The following HSD17B12 variants were observed in gnomAD, a reference collection of about 807,000 sequenced individuals.
HSD17B12 encodes very-long-chain 3-oxoacyl-CoA reductase.
HSD17B12 carries 32 observed loss-of-function variants against 39.3 expected under a neutral mutation model. The ratio of observed to expected loss-of-function variants is 0.81; its 90% confidence interval spans 0.61 to 1.09. HSD17B12 has a LOEUF of 1.09. Ranked by LOEUF, HSD17B12 falls within the 50% of genes least tolerant of loss-of-function variation. HSD17B12 has a pLI of 0.00. For missense variants in HSD17B12, 342 were observed against 382.9 expected (o/e 0.89, Z 0.89); for synonymous variants, 150 against 146.7 (o/e 1.02, Z -0.16).
At chr11:43,809,759 AG>A (rs1205032185) in intron 4 of HSD17B12, among the ~76,000 whole-genome samples, 3 of 152,212 alleles carry the variant, frequency 2.0e-5, no homozygotes, top group Non-Finnish European at 4.4e-5. Flanking sequence ...GACGGATTGC[AG>A]TGAGCTGAGA....
chr11:43,800,928 C>A (rs1257612589), intron 4 of HSD17B12, among the ~76,000 whole-genome samples: 1 of 152,112 alleles, frequency 6.6e-6, no homozygotes, highest in African/African-American at 2.4e-5. Flanking sequence ...CACCTGAGGT[C>A]AGGAGTTTGA....
At chr11:43,682,658 GT>G (rs1462108170) in intron 1 of HSD17B12, among the ~76,000 whole-genome samples, 2 of 151,636 alleles carry the variant, frequency 1.3e-5, no homozygotes, top group African/African-American at 4.8e-5. Context: ...TGGAAAACCT[GT>G]TTGAAGACTT....
chr11:43,642,543 A>G, the HSD17B12 span, among the ~76,000 whole-genome samples: 4 of 151,888 alleles, frequency 2.6e-5, no homozygotes, highest in South Asian at 8.3e-4. Flanking sequence ...GATCAGTTTC[A>G]TTTCTGACTT....
chr11:43,850,071 A>T (rs532551636), intron 9 of HSD17B12, among the ~76,000 whole-genome samples: 18 of 152,282 alleles, frequency 1.2e-4, no homozygotes, highest in Admixed American at 6.5e-5. Flanking sequence ...GCTAAGATTT[A>T]TATGTATTGT....
chr11:43,846,391 C>G (rs1379244114), intron 9 of HSD17B12, among the ~76,000 whole-genome samples: 2 of 152,200 alleles, frequency 1.3e-5, no homozygotes, highest in African/African-American at 4.8e-5. Context: ...GTGCTGGGCA[C>G]GGTGGCTCAC....
chr11:43,657,657 A>T, the HSD17B12 span, among the ~76,000 whole-genome samples: 1 of 152,110 alleles, frequency 6.6e-6, no homozygotes, highest in African/African-American at 2.4e-5. Context: ...TCCTTCACTT[A>T]TGAAGCTTAG....
At chr11:43,679,045 T>C (rs1407418011), upstream of HSD17B12, among the ~76,000 whole-genome samples, 1 of 152,206 alleles carries the variant, frequency 6.6e-6, no homozygotes, top group Admixed American at 6.5e-5. Flanking sequence ...ATTTTCACGA[T>C]ATTGATTCTT....
intron 6 of HSD17B12, among the ~76,000 whole-genome samples, chr11:43,820,663 G>C (rs562363996): frequency 2.0e-5 from 3 of 152,222 alleles, no homozygotes; most frequent in Admixed American, 1.3e-4. Flanking sequence ...ATAAGGAAGA[G>C]AGCAACCTCT....
chr11:43,702,204 A>T (rs1266797699), intron 1 of HSD17B12, among the ~76,000 whole-genome samples: 1 of 152,176 alleles, frequency 6.6e-6, no homozygotes, highest in Non-Finnish European at 1.5e-5. Context: ...TTTGTCTATC[A>T]GTTCTAATAT....
the HSD17B12 span, among the ~76,000 whole-genome samples, chr11:43,631,875 C>T: frequency 6.6e-6 from 1 of 152,094 alleles, no homozygotes; most frequent in South Asian, 2.1e-4. Context: ...GGCTACGGAC[C>T]AGGTACCCTC....
At chr11:43,755,243 G>T (rs554961852) in intron 3 of HSD17B12, 9 of 178,214 alleles carry the variant, frequency 5.1e-5, no homozygotes, top group African/African-American at 2.1e-4. Context: ...TGAAAAATTG[G>T]CCGTCAAATT....
chr11:43,762,347 T>G lies in HSD17B12; in HGVS notation c.283+8226T>G, dbSNP rs191204511. On this transcript the variant is annotated intron_variant, in intron 3 of 10. Transcript: ENST00000278353. ...TTTCCTGGTACAATTTGTCAGATTG[T>G]CTGCTTTTGTGGCAATGTTGGGTTA... 2.3e-3 allele frequency among the ~76,000 whole-genome samples: 353 copies of G among 151,342 alleles called. 1 individual carries two copies. Among genetic ancestry groups the G allele is most frequent in the African/African-American group, 8.1e-3 (337 of 41,492 alleles).
chr11:43,835,893 C>G (rs777687163), intron 7 of HSD17B12, among the ~76,000 whole-genome samples: 12 of 152,108 alleles, frequency 7.9e-5, no homozygotes, highest in Admixed American at 2.0e-4. Flanking sequence ...GATAATTGAT[C>G]TGTATTGTAT....
chr11:43,811,581 C>CT (rs34493946), intron 4 of HSD17B12, among the ~76,000 whole-genome samples: 15 of 151,932 alleles, frequency 9.9e-5, no homozygotes, highest in African/African-American at 2.2e-4. Flanking sequence ...GGTTTTCTCT[C>CT]TTTTTTTTAA....
At chr11:43,732,003 C>T (rs1223215628) in intron 1 of HSD17B12, among the ~76,000 whole-genome samples, 1 of 152,062 alleles carries the variant, frequency 6.6e-6, no homozygotes, top group Non-Finnish European at 1.5e-5. Context: ...TGGCTGTGTC[C>T]CCCCTGACCT....
At chr11:43,796,259 G>A (rs1271851869) in intron 3 of HSD17B12, among the ~76,000 whole-genome samples, 2 of 151,924 alleles carry the variant, frequency 1.3e-5, no homozygotes, top group Admixed American at 6.6e-5. Flanking sequence ...TCTGACCTAC[G>A]TTAAATAGGA....
chr11:43,659,633 CTT>C, the HSD17B12 span, among the ~76,000 whole-genome samples: 2,535 of 152,270 alleles, frequency 0.017, 65 homozygotes, highest in African/African-American at 0.057. Context: ...AAATTAAAAA[CTT>C]TTCCTTATCA....
chr11:43,762,737 G>A (rs1036441867), intron 3 of HSD17B12, among the ~76,000 whole-genome samples: 4 of 152,170 alleles, frequency 2.6e-5, no homozygotes, highest in African/African-American at 7.2e-5. Context: ...CTTTCATAAT[G>A]TGTGTTTTTA....
chr11:43,575,228 T>C, the HSD17B12 span, among the ~76,000 whole-genome samples: 1 of 152,334 alleles, frequency 6.6e-6, no homozygotes, highest in East Asian at 1.9e-4. This position sits in a 1 kb window ranked among gnomAD's most constrained non-coding sequence, Gnocchi z 4.1. Context: ...TATAACTGGC[T>C]GATTCCGTGG....
Sources: gnomAD v4.1 joint callset for allele counts (sites outside exome capture counted in the v4.1 genomes callset) on GRCh38, gnomAD v4.1.1 for gene constraint, Gnocchi (gnomAD v3.1) non-coding constraint, MANE v1.5 for transcripts, NCBI Gene and HGNC (gene_info 2026-07-23, HGNC 2026-07-21) for gene names.